RIMKLB: variants seen among roughly 807,000 people sequenced by gnomAD.
The protein encoded by RIMKLB is ribosomal modification protein rimK like family member B, also known as beta-citrylglutamate synthase B.
A neutral mutation model predicts 32.0 loss-of-function variants in RIMKLB; 7 were observed. That is an observed-to-expected ratio of 0.22 (90% CI 0.12 to 0.41). RIMKLB has a LOEUF of 0.41. Ranked by LOEUF, RIMKLB falls within the 10% of genes least tolerant of loss-of-function variation. The pLI, the probability that RIMKLB is intolerant of heterozygous loss-of-function variation, is 1.00. For synonymous variants in RIMKLB, 172 were observed against 185.1 expected (o/e 0.93, Z 0.57); for missense variants, 289 against 498.7 (o/e 0.58, Z 4.00).
In RIMKLB at chr12:8,775,359, A is replaced by C; in HGVS notation, c.*1575A>C. ...TTATAAAAGCCCCCAAACTGCATAT[A>C]ATATGAGCCTTTAAAACATGGGTAA... On this transcript the variant is annotated 3_prime_UTR_variant, in exon 6 of 6. Coordinates refer to ENST00000535829, the MANE Select transcript of RIMKLB (RefSeq NM_001297776.2). 1 of 985,378 alleles carries C rather than the reference A, an allele frequency of 1.0e-6. No individual in the cohort carries two copies. The highest frequency in any genetic ancestry group is 1.2e-6 in the Non-Finnish European group (1 of 829,852). 61.0% of individuals were successfully genotyped at this position (985,378 alleles called of 1,614,324 possible). A position where few individuals can be genotyped will look rare whatever the true frequency, so the allele number is the denominator to read the frequency against.
intron 5 of RIMKLB, among the ~76,000 whole-genome samples, chr12:8,768,929 AAAAAT>A (rs1441089878): frequency 4.6e-5 from 7 of 152,162 alleles, no homozygotes; most frequent in Non-Finnish European, 8.8e-5. Flanking sequence ...TGTATTTTTA[AAAAAT>A]TCTATCTTTC....
At chr12:8,710,833 T>C (rs1944313229) in intron 1 of RIMKLB, among the ~76,000 whole-genome samples, 1 of 151,894 alleles carries the variant, frequency 6.6e-6, no homozygotes, top group Non-Finnish European at 1.5e-5. Flanking sequence ...TGCAATGAAA[T>C]TAATCATTGA....
upstream of RIMKLB, among the ~76,000 whole-genome samples, chr12:8,695,496 G>T (rs1942860209): frequency 6.6e-6 from 1 of 151,862 alleles, no homozygotes; most frequent in Admixed American, 6.6e-5. Flanking sequence ...GTATGAATTT[G>T]ATCATTACTC....
chr12:8,764,776 G>A (rs1195097020), intron 5 of RIMKLB, among the ~76,000 whole-genome samples: 1 of 151,988 alleles, frequency 6.6e-6, no homozygotes, highest in East Asian at 1.9e-4. Context: ...TTACATAAGG[G>A]GCATGGACGA....
intron 5 of RIMKLB, among the ~76,000 whole-genome samples, chr12:8,772,039 C>T (rs536660550): frequency 2.0e-5 from 3 of 152,266 alleles, no homozygotes; most frequent in African/African-American, 7.2e-5. Flanking sequence ...TAGGCGCCTG[C>T]CACCACACCG....
chr12:8,758,945 C>T (rs892949111), intron 5 of RIMKLB, among the ~76,000 whole-genome samples: 1 of 152,104 alleles, frequency 6.6e-6, no homozygotes. Flanking sequence ...GCCTCTCTAC[C>T]TTGTTTGCCA....
At chr12:8,754,316 C>T (rs1164809216) in intron 5 of RIMKLB, among the ~76,000 whole-genome samples, 1 of 152,166 alleles carries the variant, frequency 6.6e-6, no homozygotes, top group Non-Finnish European at 1.5e-5. Flanking sequence ...AATCTGCCTT[C>T]ACCCGTTCTC....
In RIMKLB at chr12:8,776,668, AAT is replaced by A; in HGVS notation, c.*2886_*2887del. On this transcript the variant is annotated 3_prime_UTR_variant, in exon 6 of 6. Transcript: ENST00000535829. ...ATGAACTATTCTATTTAAAATTTTT[AAT>A]AGTTTTTTTCTTTTTTGGTGCCTAT... The A allele has an allele frequency of 1.0e-6, 1 of 974,028 alleles. No homozygotes were observed. Among genetic ancestry groups the A allele is most frequent in the Non-Finnish European group, 1.2e-6 (1 of 819,636 alleles). 60.3% of individuals were successfully genotyped at this position (974,028 alleles called of 1,614,324 possible).
chr12:8,777,549 G>T, downstream of RIMKLB: 1 of 1,245,314 alleles, frequency 8.0e-7, no homozygotes, highest in South Asian at 1.4e-5. Context: ...TGTTTTTAAA[G>T]AAATATTCTA....
chr12:8,693,360 T>C (rs1053376073), upstream of RIMKLB, among the ~76,000 whole-genome samples: 3 of 152,008 alleles, frequency 2.0e-5, no homozygotes, highest in African/African-American at 7.2e-5. Context: ...AACTTTAAAA[T>C]GCTTTGTACT....
At chr12:8,745,455 C>G (rs1049129746) in intron 2 of RIMKLB, among the ~76,000 whole-genome samples, 8 of 151,680 alleles carry the variant, frequency 5.3e-5, no homozygotes, top group African/African-American at 1.9e-4. Context: ...AATGCAATGG[C>G]AGGATCTTGG....
At chr12:8,732,040 A>G (rs1385639366) in intron 2 of RIMKLB, among the ~76,000 whole-genome samples, 1 of 151,916 alleles carries the variant, frequency 6.6e-6, no homozygotes, top group Non-Finnish European at 1.5e-5. Context: ...TTTCTTGCTG[A>G]ATAGTAACTT....
intron 1 of RIMKLB, among the ~76,000 whole-genome samples, chr12:8,702,057 T>C (rs1943453952): frequency 3.3e-5 from 5 of 152,132 alleles, no homozygotes. Context: ...GCCTGGTATT[T>C]AATATTAAAA....
At chr12:8,771,364 A>G (rs117892955) in intron 5 of RIMKLB, among the ~76,000 whole-genome samples, 147 of 152,254 alleles carry the variant, frequency 9.7e-4, no homozygotes, top group Non-Finnish European at 1.8e-3. Flanking sequence ...GGGGTAGGTG[A>G]AAGGAGGACA....
At chr12:8,693,394 TTTCTTTC>T (rs1304547341), upstream of RIMKLB, among the ~76,000 whole-genome samples, 1 of 142,962 alleles carries the variant, frequency 7.0e-6, no homozygotes, top group Non-Finnish European at 1.6e-5. Context: ...TTTTTCTTTC[TTTCTTTC>T]TTTTTTTTTT....
At chr12:8,744,431 A>G (rs190878013) in intron 2 of RIMKLB, among the ~76,000 whole-genome samples, 1 of 151,872 alleles carries the variant, frequency 6.6e-6, no homozygotes, top group African/African-American at 2.4e-5. Flanking sequence ...TCTTTATCCC[A>G]TTTTTAAAAA....
the RIMKLB span, among the ~76,000 whole-genome samples, chr12:8,672,565 G>A: frequency 6.6e-6 from 1 of 152,088 alleles, no homozygotes; most frequent in Non-Finnish European, 1.5e-5. Context: ...CAGATCTCAT[G>A]AGACTTAATC....
chr12:8,716,774 T>A lies in RIMKLB; in HGVS notation c.175+2733T>A, dbSNP rs142575300. On this transcript the variant is annotated intron_variant, in intron 2 of 5. Transcript: ENST00000535829. Reference sequence around the variant, plus strand: ...TACTTTGAGACGGGGTCTCGCTCTGTCACCTTGGCTGGAGTACAGTGGTGC... The same window carrying A: ...TACTTTGAGACGGGGTCTCGCTCTGACACCTTGGCTGGAGTACAGTGGTGC... 9.6e-5 allele frequency among the ~76,000 whole-genome samples: 14 copies of A among 145,674 alleles called. 1 individual carries two copies. The highest frequency in any genetic ancestry group is 3.3e-4 in the African/African-American group (13 of 39,458).
intron 2 of RIMKLB, among the ~76,000 whole-genome samples, chr12:8,718,655 A>ATGTGTG (rs1369568205): frequency 6.4e-5 from 8 of 125,072 alleles, no homozygotes; most frequent in African/African-American, 2.6e-4. Context: ...CTCTCTCTCT[A>ATGTGTG]TATATATATA....
Sources: gnomAD v4.1 joint callset for allele counts (sites outside exome capture counted in the v4.1 genomes callset) on GRCh38, gnomAD v4.1.1 for gene constraint, MANE v1.5 for transcripts, NCBI Gene and HGNC (gene_info 2026-07-23, HGNC 2026-07-21) for gene names.